The following DISC1 variants were observed in gnomAD, a reference collection of about 807,000 sequenced individuals.
DISC1 encodes disrupted in schizophrenia 1 protein.
In DISC1, 57 loss-of-function variants were observed where a neutral mutation model predicts 84.5. The observed-to-expected ratio is 0.67, with a 90% CI of 0.55 to 0.84. DISC1 has a LOEUF of 0.84. Among genes scored for constraint, DISC1 ranks in the 40% least tolerant of loss-of-function variants. The pLI is 0.00. For missense variants in DISC1, 1,000 were observed against 1,057.8 expected (o/e 0.95, Z 0.76); for synonymous variants, 411 against 415.2 (o/e 0.99, Z 0.12).
At chr1:231,637,194 C>T (rs2059273471) in intron 1 of DISC1, among the ~76,000 whole-genome samples, 2 of 152,122 alleles carry the variant, frequency 1.3e-5, no homozygotes, top group African/African-American at 2.4e-5. Context: ...TTTCTTTACC[C>T]GGTCTATCAT....
In DISC1 at chr1:231,646,903, GC is replaced by G. The variant is rs2060183490; in HGVS notation, c.67+19970del. 4.6e-5 allele frequency among the ~76,000 whole-genome samples: 7 copies of G among 152,048 alleles called. No homozygotes were observed. The South Asian group carries it at 1.5e-3, about 32-fold the overall frequency. The stretch of plus-strand genomic sequence containing the variant: ...ATATCCTTTGCCCACTTTTTGATGG[GC>G]TTGTTTATTTGTTTTTTCTTGTACA... On this transcript the variant is annotated intron_variant, in intron 1 of 12. Coordinates refer to ENST00000439617, the MANE Select transcript of DISC1 (RefSeq NM_018662.3).
At chr1:232,010,826 C>T (rs1290809123) in intron 11 of DISC1, among the ~76,000 whole-genome samples, 1 of 152,170 alleles carries the variant, frequency 6.6e-6, no homozygotes, top group Non-Finnish European at 1.5e-5. Flanking sequence ...GGATTCTTCG[C>T]TGCATCCCTG....
chr1:231,996,139 C>A lies in DISC1; in HGVS notation c.2043-12646C>A, dbSNP rs536885804. 2.1e-4 allele frequency among the ~76,000 whole-genome samples: 32 copies of A among 152,278 alleles called. No individual in the cohort carries two copies. The East Asian group carries it at 5.0e-3, about 24-fold the overall frequency. ...TGTCTTTTGGCTGCATAAATGTCTT[C>A]TTTTGAGAAGTGTCTGTTCATATCC... is the stretch of plus-strand genomic sequence containing the variant. On this transcript the variant is annotated intron_variant, in intron 10 of 12. Transcript: ENST00000439617.
intron 9 of DISC1, among the ~76,000 whole-genome samples, chr1:231,917,271 G>A (rs539597349): frequency 8.5e-5 from 13 of 152,280 alleles, no homozygotes; most frequent in South Asian, 4.1e-4. Flanking sequence ...AATTCAGATT[G>A]TTTGAAAGGC....
chr1:231,918,466 G>A (rs1247487563), intron 9 of DISC1, among the ~76,000 whole-genome samples: 1 of 152,192 alleles, frequency 6.6e-6, no homozygotes, highest in Non-Finnish European at 1.5e-5. Context: ...TGAGGTAGGA[G>A]GACCTTGTTG....
intron 10 of DISC1, among the ~76,000 whole-genome samples, chr1:231,970,006 A>G (rs914319076): frequency 7.9e-5 from 12 of 152,144 alleles, no homozygotes; most frequent in African/African-American, 2.9e-4. Flanking sequence ...CCATTGATGG[A>G]CGTTTGGGTT....
At chr1:232,024,835 C>A (rs919420169) in intron 11 of DISC1, among the ~76,000 whole-genome samples, 1 of 152,100 alleles carries the variant, frequency 6.6e-6, no homozygotes, top group South Asian at 2.1e-4. Context: ...CATGATCCAC[C>A]CGCCTCAGCC....
chr1:231,894,956 G>C (rs1458602413), intron 9 of DISC1, among the ~76,000 whole-genome samples: 3 of 151,744 alleles, frequency 2.0e-5, no homozygotes. Context: ...CACGGACTGA[G>C]CATCCTTTGT....
chr1:231,987,374 G>A (rs1318224940), intron 10 of DISC1, among the ~76,000 whole-genome samples: 4 of 152,186 alleles, frequency 2.6e-5, no homozygotes, highest in African/African-American at 7.2e-5. Flanking sequence ...TGACAATAGG[G>A]TTAAGATGCA....
At chr1:232,006,334 T>G (rs912595429) in intron 10 of DISC1, among the ~76,000 whole-genome samples, 12 of 152,188 alleles carry the variant, frequency 7.9e-5, no homozygotes. Flanking sequence ...GTTGAATGGC[T>G]TTGACCAAAA....
intron 1 of DISC1, among the ~76,000 whole-genome samples, chr1:231,667,588 C>T (rs2062138336): frequency 6.6e-6 from 1 of 152,076 alleles, no homozygotes. Context: ...TTTAAAATTC[C>T]CTTTCTTTTA....
intron 1 of DISC1, among the ~76,000 whole-genome samples, chr1:231,634,675 A>G (rs929584635): frequency 6.6e-6 from 1 of 152,204 alleles, no homozygotes; most frequent in Non-Finnish European, 1.5e-5. Flanking sequence ...AATTTCTTCC[A>G]TTGTGTTTAT....
chr1:231,794,424 A>G (rs181409196), intron 6 of DISC1, among the ~76,000 whole-genome samples: 25 of 152,064 alleles, frequency 1.6e-4, no homozygotes, highest in Admixed American at 1.6e-3. Flanking sequence ...TTGATTTTCT[A>G]TTCCCCTTAT....
chr1:231,997,202 G>A (rs1666066048), intron 10 of DISC1, among the ~76,000 whole-genome samples: 1 of 152,070 alleles, frequency 6.6e-6, no homozygotes, highest in African/African-American at 2.4e-5. Flanking sequence ...CCTCACTCAG[G>A]GTGCACATAC....
At position 232,037,947 on chromosome 1, in the gene DISC1, A is replaced by G. The variant is rs1222624155; in HGVS notation, c.*1116A>G. 1 of 150,718 alleles carries G rather than the reference A, an allele frequency of 6.6e-6. No homozygotes were observed. The highest frequency in any genetic ancestry group is 1.5e-5 in the Non-Finnish European group (1 of 67,610). The allele number at this position is 150,718 out of a possible 1,614,324, so 9.3% of individuals were successfully genotyped here. ...ACAGTGCAGTACTCAGTAACAGTGC[A>G]GTACTCAGTAACAGTGCAGTACTCA... On this transcript the variant is annotated 3_prime_UTR_variant, in exon 13 of 13. Coordinates refer to ENST00000439617, the MANE Select transcript of DISC1 (RefSeq NM_018662.3).
rs139179690 is a variant in DISC1, at chr1:231,773,578, G to A, written c.1634+2508G>A. ...TTTTTGTATTTTTAGTAGAGACAGG[G>A]TTTCACCATGTTAGCCAGGATGGTC... On this transcript the variant is annotated intron_variant, in intron 6 of 12. Coordinates refer to ENST00000439617, the MANE Select transcript of DISC1 (RefSeq NM_018662.3). Among the ~76,000 whole-genome samples, 1,063 of 152,196 alleles carry A rather than the reference G, an allele frequency of 7.0e-3. 11 individuals carry two copies. The highest frequency in any genetic ancestry group is 0.011 in the Non-Finnish European group (738 of 68,000).
chr1:231,979,373 C>T (rs916376585), intron 10 of DISC1, among the ~76,000 whole-genome samples: 1 of 151,914 alleles, frequency 6.6e-6, no homozygotes, highest in Admixed American at 6.6e-5. Flanking sequence ...TCCCCAGTGC[C>T]AAAAAGGTTG....
intron 8 of DISC1, among the ~76,000 whole-genome samples, chr1:231,812,800 C>T (rs1290759022): frequency 2.2e-5 from 2 of 91,234 alleles, no homozygotes; most frequent in East Asian, 1.0e-3. Context: ...CATCACTGAG[C>T]TCCTGACCAA....
intron 11 of DISC1, among the ~76,000 whole-genome samples, chr1:232,015,452 T>C (rs1668400892): frequency 6.6e-6 from 1 of 152,162 alleles, no homozygotes; most frequent in Admixed American, 6.5e-5. Flanking sequence ...TTTCTGCGTT[T>C]GTAACAGAGG....
Sources: gnomAD v4.1 joint callset for allele counts (sites outside exome capture counted in the v4.1 genomes callset) on GRCh38, gnomAD v4.1.1 for gene constraint, MANE v1.5 for transcripts, NCBI Gene and HGNC (gene_info 2026-07-23, HGNC 2026-07-21) for gene names.